TMEM117: variants seen among roughly 807,000 people sequenced by gnomAD.
The protein encoded by TMEM117 is transmembrane protein 117.
TMEM117 carries 27 observed loss-of-function variants against 52.4 expected under a neutral mutation model. The ratio of observed to expected loss-of-function variants is 0.51; its 90% CI spans 0.38 to 0.71. TMEM117 has a LOEUF of 0.71. Among genes scored for constraint, TMEM117 ranks in the 30% least tolerant of loss-of-function variants. The pLI, the probability that TMEM117 is intolerant of heterozygous loss-of-function variation, is 0.00. For missense variants in TMEM117, 556 were observed against 630.5 expected, an observed-to-expected ratio of 0.88 and a Z score of 1.26; for synonymous variants, 215 against 206.3, an observed-to-expected ratio of 1.04 and a Z score of -0.36.
chr12:43,891,367 A>ATTTTTTTTTTTTTTT lies in TMEM117; in HGVS notation c.277+46448_277+46462dup, dbSNP rs772754829. Among the ~76,000 whole-genome samples the ATTTTTTTTTTTTTTT allele has an allele frequency of 4.8e-3, 276 of 57,800 alleles. 75 individuals are homozygous for ATTTTTTTTTTTTTTT. The highest frequency in any genetic ancestry group is 0.038 in the Middle Eastern group (2 of 52). 37.9% of individuals were successfully genotyped at this position (57,800 alleles called of 152,430 possible). Reference sequence around the variant, plus strand: ...ATTTCTTTTGGGAAATACCTCTTGAATTTTTTTTTTTTTTTTTTTTTTTGA... The same window carrying ATTTTTTTTTTTTTTT: ...ATTTCTTTTGGGAAATACCTCTTGAATTTTTTTTTTTTTTTTTTTTTTTTTTTTTTTTTTTTTTGA... On this transcript the variant is annotated intron_variant, in intron 2 of 7. Coordinates refer to ENST00000266534, the MANE Select transcript of TMEM117 (RefSeq NM_032256.3).
chr12:43,989,114 A>T (rs1459814438), intron 3 of TMEM117, among the ~76,000 whole-genome samples: 2 of 152,022 alleles, frequency 1.3e-5, no homozygotes, highest in African/African-American at 2.4e-5. Context: ...GCATTTACTG[A>T]CTCTTCTCCA....
chr12:43,867,576 T>C (rs1360474385), intron 2 of TMEM117, among the ~76,000 whole-genome samples: 2 of 151,834 alleles, frequency 1.3e-5, no homozygotes. Context: ...ATATAGTGTT[T>C]ATAAATGATG....
intron 2 of TMEM117, among the ~76,000 whole-genome samples, chr12:43,907,641 A>G (rs944423093): frequency 5.3e-5 from 8 of 150,530 alleles, no homozygotes; most frequent in Non-Finnish European, 1.0e-4. Flanking sequence ...CAATACAGAG[A>G]AGTGCTTAAA....
intron 2 of TMEM117, among the ~76,000 whole-genome samples, chr12:43,880,142 A>G (rs1476971728): frequency 1.3e-5 from 2 of 152,236 alleles, no homozygotes; most frequent in Non-Finnish European, 2.9e-5. Flanking sequence ...AAAATAAAGT[A>G]ATAATGCCTG....
chr12:43,963,199 ATTAC>A (rs138850472), intron 3 of TMEM117, among the ~76,000 whole-genome samples: 4,834 of 150,810 alleles, frequency 0.032, 97 homozygotes, highest in Middle Eastern at 0.067. Flanking sequence ...TTTTAAATAT[ATTAC>A]TTAATGTATT....
At chr12:43,821,309 C>T in the TMEM117 span, among the ~76,000 whole-genome samples, 1 of 152,068 alleles carries the variant, frequency 6.6e-6, no homozygotes, top group African/African-American at 2.4e-5. Flanking sequence ...CTTGGGTGCC[C>T]ACAGAGGTCT....
chr12:44,170,705 C>G (rs1949033214), intron 4 of TMEM117, among the ~76,000 whole-genome samples: 1 of 152,126 alleles, frequency 6.6e-6, no homozygotes, highest in South Asian at 2.1e-4. Flanking sequence ...CTTGATAGAT[C>G]AATGTTCTCT....
At chr12:43,818,480 G>A in the TMEM117 span, among the ~76,000 whole-genome samples, 11 of 149,410 alleles carry the variant, frequency 7.4e-5, no homozygotes, top group East Asian at 2.0e-4. Flanking sequence ...GCGCTCTGTC[G>A]CCTGGACTGG....
At chr12:43,975,960 C>T in intron 3 of TMEM117, among the ~76,000 whole-genome samples, 1 of 152,148 alleles carries the variant, frequency 6.6e-6, no homozygotes, top group South Asian at 2.1e-4. Flanking sequence ...TGCCAGATTC[C>T]TCAGCCTATC....
intron 2 of TMEM117, among the ~76,000 whole-genome samples, chr12:43,931,127 A>G (rs918687891): frequency 3.9e-5 from 6 of 152,260 alleles, no homozygotes; most frequent in Non-Finnish European, 8.8e-5. Context: ...GAGCTCACAC[A>G]GGACTAAGAA....
intron 3 of TMEM117, among the ~76,000 whole-genome samples, chr12:44,012,648 A>G (rs1446630643): frequency 6.6e-6 from 1 of 152,124 alleles, no homozygotes; most frequent in Non-Finnish European, 1.5e-5. Context: ...TTTGATCTGT[A>G]GCATTTAAAA....
Position 44,276,221 on chromosome 12 carries a change from T to A in TMEM117, c.609-23359T>A, listed in dbSNP as rs1950509454. ...TTGCAGTAGTGCTCATTACTCACAC[T>A]AGCCAAGATATGGAATCAACTTAAG... On this transcript the variant is annotated intron_variant, in intron 5 of 7. Transcript: ENST00000266534. Among the ~76,000 whole-genome samples the A allele has an allele frequency of 2.6e-5, 4 of 152,272 alleles. No homozygotes were observed. The East Asian group carries it at 5.8e-4, about 22-fold the overall frequency.
intron 6 of TMEM117, among the ~76,000 whole-genome samples, chr12:44,319,899 A>G (rs1034793676): frequency 2.0e-5 from 3 of 152,074 alleles, no homozygotes; most frequent in Non-Finnish European, 4.4e-5. Flanking sequence ...TCCATTATAC[A>G]TACTCTGTGA....
chr12:44,346,012 A>G (rs1162253224), intron 6 of TMEM117, among the ~76,000 whole-genome samples: 1 of 152,128 alleles, frequency 6.6e-6, no homozygotes, highest in Non-Finnish European at 1.5e-5. Context: ...AGAAATTGTG[A>G]TCTGTTAAAC....
chr12:44,188,248 G>A (rs979650985), intron 4 of TMEM117, among the ~76,000 whole-genome samples: 17 of 152,180 alleles, frequency 1.1e-4, no homozygotes, highest in African/African-American at 4.1e-4. Flanking sequence ...TCTTCTATCT[G>A]AACATCCAAT....
intron 5 of TMEM117, among the ~76,000 whole-genome samples, chr12:44,220,117 T>G (rs1949768817): frequency 6.6e-6 from 1 of 152,176 alleles, no homozygotes; most frequent in Non-Finnish European, 1.5e-5. Flanking sequence ...GTAGGTATCT[T>G]TAGAAAACAG....
chr12:44,011,529 C>G (rs1057058459), intron 3 of TMEM117, among the ~76,000 whole-genome samples: 2 of 152,086 alleles, frequency 1.3e-5, no homozygotes, highest in African/African-American at 2.4e-5. Context: ...TTCTCCTTGC[C>G]TTCCGTCATG....
intron 6 of TMEM117, among the ~76,000 whole-genome samples, chr12:44,328,713 A>G (rs2138718410): frequency 6.6e-6 from 1 of 152,200 alleles, no homozygotes; most frequent in South Asian, 2.1e-4. Flanking sequence ...AGAATTCTAG[A>G]ATCTTCTTGT....
At chr12:44,272,232 C>T (rs561362197) in intron 5 of TMEM117, among the ~76,000 whole-genome samples, 1 of 152,078 alleles carries the variant, frequency 6.6e-6, no homozygotes, top group East Asian at 1.9e-4. Context: ...TAACAAGTAA[C>T]AAGATCAAAG....
Sources: gnomAD v4.1 joint callset for allele counts (sites outside exome capture counted in the v4.1 genomes callset) on GRCh38, gnomAD v4.1.1 for gene constraint, MANE v1.5 for transcripts, NCBI Gene and HGNC (gene_info 2026-07-23, HGNC 2026-07-21) for gene names.